The following MAGI1 variants were observed in gnomAD, a reference collection of about 807,000 sequenced individuals.
The protein encoded by MAGI1 is membrane-associated guanylate kinase, WW and PDZ domain-containing protein 1.
Under a neutral mutation model 139.9 loss-of-function variants are expected in MAGI1, and 58 were observed. That is an observed-to-expected ratio of 0.41 (90% CI 0.34 to 0.52). The LOEUF is 0.52. Among genes scored for constraint, MAGI1 ranks in the 20% least tolerant of loss-of-function variants. MAGI1 has a pLI of 0.12. For missense variants in MAGI1, 1,874 were observed against 1,901.6 expected (o/e 0.99, Z 0.27); for synonymous variants, 812 against 737.9 (o/e 1.10, Z -1.63).
chr3:65,587,102 T>C (rs2081720348), intron 2 of MAGI1, among the ~76,000 whole-genome samples: 1 of 152,180 alleles, frequency 6.6e-6, no homozygotes. Flanking sequence ...ATCTTTGACA[T>C]TCCCCAATAA....
intron 22 of MAGI1, among the ~76,000 whole-genome samples, chr3:65,358,334 T>G (rs1359680885): frequency 6.6e-6 from 1 of 152,192 alleles, no homozygotes; most frequent in Non-Finnish European, 1.5e-5. Context: ...GAGGGCAGAC[T>G]TGTATGACAG....
chr3:65,825,287 C>T (rs771434186), intron 1 of MAGI1, among the ~76,000 whole-genome samples: 20 of 152,192 alleles, frequency 1.3e-4, no homozygotes, highest in Non-Finnish European at 2.8e-4. Context: ...ATCTATCTCC[C>T]ATTTGAACAA....
At chr3:66,013,996 T>C (rs1034493267) in intron 1 of MAGI1, among the ~76,000 whole-genome samples, 2 of 152,162 alleles carry the variant, frequency 1.3e-5, no homozygotes, top group Non-Finnish European at 2.9e-5. Context: ...CACTACATAA[T>C]GTATCAGGGC....
chr3:65,869,364 TTTTTTGTTG>T (rs1195146377), intron 1 of MAGI1, among the ~76,000 whole-genome samples: 6,612 of 115,788 alleles, frequency 0.057, 239 homozygotes, highest in African/African-American at 0.12. Flanking sequence ...GCAAGACTGG[TTTTTTGTTG>T]TTGTTGTTGT....
At chr3:65,708,740 A>G (rs747417777) in intron 1 of MAGI1, among the ~76,000 whole-genome samples, 4 of 152,174 alleles carry the variant, frequency 2.6e-5, no homozygotes, top group Non-Finnish European at 5.9e-5. Flanking sequence ...GAAAGAACAG[A>G]CAAGAGCTAG....
intron 2 of MAGI1, among the ~76,000 whole-genome samples, chr3:65,508,066 T>C (rs1314509542): frequency 1.3e-5 from 2 of 152,346 alleles, no homozygotes; most frequent in East Asian, 3.9e-4. Flanking sequence ...GAATACTATA[T>C]GAGGTATCAA....
chr3:65,793,348 T>C (rs1010020242), intron 1 of MAGI1, among the ~76,000 whole-genome samples: 2 of 152,212 alleles, frequency 1.3e-5, no homozygotes, highest in South Asian at 2.1e-4. Flanking sequence ...TAAACAATGA[T>C]AGCTAGTGAG....
intron 1 of MAGI1, among the ~76,000 whole-genome samples, chr3:65,732,130 T>C (rs1189466571): frequency 6.6e-6 from 1 of 152,232 alleles, no homozygotes; most frequent in Admixed American, 6.5e-5. Context: ...ATTCAGTCTC[T>C]GCATAAAGAA....
Position 65,489,950 on chromosome 3 carries a change from G to A in MAGI1, c.550+3562C>T, listed in dbSNP as rs767791678. Among the ~76,000 whole-genome samples the A allele has an allele frequency of 2.2e-4, 34 of 152,216 alleles. 1 individual carries two copies. The highest frequency in any genetic ancestry group is 4.1e-4 in the Non-Finnish European group (28 of 68,022). On this transcript the variant is annotated intron_variant, in intron 3 of 22. Transcript: ENST00000402939. ...TTTAAAGAGTGCTTTGTGTTGTTGT[G>A]GTAGACTTTTCCTCTCTGGAACCAG...
chr3:65,806,996 T>C (rs2040902005), intron 1 of MAGI1, among the ~76,000 whole-genome samples: 1 of 152,206 alleles, frequency 6.6e-6, no homozygotes, highest in South Asian at 2.1e-4. Flanking sequence ...TTTCCTCCTA[T>C]TCAGTACTCT....
At chr3:66,006,783 C>T (rs929812015) in intron 1 of MAGI1, among the ~76,000 whole-genome samples, 3 of 151,320 alleles carry the variant, frequency 2.0e-5, no homozygotes, top group Admixed American at 1.3e-4. Flanking sequence ...CTTGGTTTAG[C>T]GGTCCTCTCT....
intron 1 of MAGI1, among the ~76,000 whole-genome samples, chr3:65,630,964 G>C (rs571512708): frequency 1.1e-4 from 16 of 152,348 alleles, no homozygotes; most frequent in African/African-American, 3.8e-4. Flanking sequence ...AATGCACTGA[G>C]AGGATTTGAG....
At chr3:65,550,430 C>T (rs1446145328) in intron 2 of MAGI1, among the ~76,000 whole-genome samples, 1 of 152,162 alleles carries the variant, frequency 6.6e-6, no homozygotes, top group Non-Finnish European at 1.5e-5. Flanking sequence ...TGGATGATAT[C>T]TCACCTCTTC....
chr3:65,973,537 C>A (rs1284660626), intron 1 of MAGI1, among the ~76,000 whole-genome samples: 3 of 152,184 alleles, frequency 2.0e-5, no homozygotes, highest in Admixed American at 6.5e-5. Flanking sequence ...ACTATGCACT[C>A]CCGAAGCATG....
chr3:65,920,261 C>A (rs979298835), intron 1 of MAGI1, among the ~76,000 whole-genome samples: 1 of 152,186 alleles, frequency 6.6e-6, no homozygotes, highest in Admixed American at 6.5e-5. Flanking sequence ...CAGCTAAACA[C>A]CTCGACCTGT....
At chr3:65,754,760 C>T (rs1367468033) in intron 1 of MAGI1, among the ~76,000 whole-genome samples, 1 of 152,170 alleles carries the variant, frequency 6.6e-6, no homozygotes, top group Non-Finnish European at 1.5e-5. Flanking sequence ...ATGGCAACAT[C>T]TTAGCCAACC....
intron 1 of MAGI1, among the ~76,000 whole-genome samples, chr3:65,867,124 T>G (rs1037865732): frequency 2.6e-5 from 4 of 152,186 alleles, no homozygotes; most frequent in African/African-American, 9.7e-5. Flanking sequence ...CTCACAAGGT[T>G]GTTGTGAAGT....
intron 1 of MAGI1, among the ~76,000 whole-genome samples, chr3:65,977,995 A>G (rs1462906282): frequency 6.6e-6 from 1 of 151,922 alleles, no homozygotes; most frequent in Non-Finnish European, 1.5e-5. Flanking sequence ...TGCATCTAAC[A>G]CCTATTGCAT....
intron 1 of MAGI1, among the ~76,000 whole-genome samples, chr3:65,891,884 TAATATATATATATATATATATA>T (rs1167139948): frequency 1.7e-3 from 147 of 85,886 alleles, no homozygotes; most frequent in African/African-American, 6.4e-3. Context: ...ACTTAAAGTA[TAATATATATATATATATATATA>T]TATATATATA....
Sources: allele counts gnomAD v4.1 joint callset (sites outside exome capture counted in the v4.1 genomes callset), GRCh38; gene constraint gnomAD v4.1.1; transcripts MANE v1.5; gene names NCBI Gene and HGNC (gene_info 2026-07-23, HGNC 2026-07-21).